Variants in YPEL1 observed in about 807,000 individuals in gnomAD.
YPEL1 encodes protein yippee-like 1.
In YPEL1, 7 loss-of-function variants were observed where a neutral mutation model predicts 17.3. The observed-to-expected ratio is 0.40, with a 90% CI of 0.23 to 0.76. YPEL1 has a LOEUF of 0.76. Ranked by LOEUF, YPEL1 falls within the 30% of genes least tolerant of loss-of-function variation. YPEL1 has a pLI of 0.35. For synonymous variants in YPEL1, 59 were observed against 59.6 expected, an observed-to-expected ratio of 0.99 and a Z score of 0.05; for missense variants, 91 against 155.5, an observed-to-expected ratio of 0.59 and a Z score of 2.21.
chr22:21,727,835 CT>C (rs1481616389), intron 1 of YPEL1, among the ~76,000 whole-genome samples: 2 of 152,204 alleles, frequency 1.3e-5, no homozygotes, highest in South Asian at 2.1e-4. Context: ...CACCTACCCC[CT>C]GGCACTGCCA....
At chr22:21,724,112 C>T (rs1187628753) in intron 1 of YPEL1, among the ~76,000 whole-genome samples, 5 of 152,242 alleles carry the variant, frequency 3.3e-5, no homozygotes, top group Non-Finnish European at 7.3e-5. Flanking sequence ...CCCAGAGCCC[C>T]AGTCCCACTC....
intron 1 of YPEL1, among the ~76,000 whole-genome samples, chr22:21,726,505 G>T (rs1298134407): frequency 6.6e-6 from 1 of 152,178 alleles, no homozygotes. Context: ...GGTCCCACCT[G>T]GCCTGAGAGG....
intron 2 of YPEL1, among the ~76,000 whole-genome samples, chr22:21,707,624 C>T (rs1260198591): frequency 6.6e-6 from 1 of 152,168 alleles, no homozygotes; most frequent in Non-Finnish European, 1.5e-5. Flanking sequence ...AACTAATAAT[C>T]ATCTTATAGA....
At chr22:21,729,096 T>C (rs186860495) in intron 1 of YPEL1, among the ~76,000 whole-genome samples, 33 of 149,814 alleles carry the variant, frequency 2.2e-4, no homozygotes, top group Non-Finnish European at 4.1e-4. Flanking sequence ...TTAGCTGAGA[T>C]TGCGCCATTG....
At chr22:21,704,721 C>T (rs971574220) in intron 2 of YPEL1, among the ~76,000 whole-genome samples, 1 of 150,862 alleles carries the variant, frequency 6.6e-6, no homozygotes, top group Non-Finnish European at 1.5e-5. Context: ...AAGGCCATTC[C>T]AGTGACATCT....
intron 2 of YPEL1, among the ~76,000 whole-genome samples, chr22:21,709,759 C>T: frequency 6.6e-6 from 1 of 151,594 alleles, no homozygotes; most frequent in African/African-American, 2.4e-5. Context: ...GGGGGGAGGT[C>T]ATGGCCTGTG....
At position 21,698,785 on chromosome 22, in the gene YPEL1, C is replaced by T. The variant is rs2068031737; in HGVS notation, c.*2344G>A. 1 of 152,420 alleles carries T rather than the reference C, an allele frequency of 6.6e-6. No individual in the cohort carries two copies. The highest frequency in any genetic ancestry group is 6.5e-5 in the Admixed American group (1 of 15,290). The allele number at this position is 152,420 out of a possible 1,614,324, so 9.4% of individuals were successfully genotyped here. A position where few individuals can be genotyped will look rare whatever the true frequency, so the allele number is the denominator to read the frequency against. On this transcript the variant is annotated 3_prime_UTR_variant, in exon 5 of 5. Coordinates refer to ENST00000339468, the MANE Select transcript of YPEL1 (RefSeq NM_013313.5). Reference sequence around the variant, plus strand: ...GACCATGGCAGCAAGAGCCCTGCAGCGTGCAGTGACCCCTGCGCTCTGGGT... The same window carrying T: ...GACCATGGCAGCAAGAGCCCTGCAGTGTGCAGTGACCCCTGCGCTCTGGGT...
At chr22:21,716,589 T>C (rs1255544182) in intron 1 of YPEL1, among the ~76,000 whole-genome samples, 7 of 152,260 alleles carry the variant, frequency 4.6e-5, no homozygotes, top group African/African-American at 1.7e-4. Flanking sequence ...TTCCAAAAGC[T>C]CACAGTTGAT....
intron 1 of YPEL1, among the ~76,000 whole-genome samples, chr22:21,715,756 CTTTTCTT>C (rs2068216491): frequency 1.8e-5 from 1 of 56,172 alleles, no homozygotes; most frequent in African/African-American, 8.3e-5. Flanking sequence ...TTTTCTTTTT[CTTTTCTT>C]TTTTTTTTTT....
chr22:21,702,319 G>T (rs2068074043), intron 4 of YPEL1, among the ~76,000 whole-genome samples: 1 of 152,238 alleles, frequency 6.6e-6, no homozygotes, highest in Admixed American at 6.5e-5. Flanking sequence ...GTATGGGGCT[G>T]ACTGACCAGG....
At chr22:21,712,725 C>CAAAAAAAA (rs33967845) in intron 1 of YPEL1, among the ~76,000 whole-genome samples, 1 of 89,636 alleles carries the variant, frequency 1.1e-5, no homozygotes. Context: ...GACTACATCT[C>CAAAAAAAA]AAAAAAAAAA....
rs1555903188 is a variant in YPEL1, at chr22:21,703,712, G to GGGA, written c.161+126_161+127insTCC. ...TTAGCGCGTTTCAGAAACTCCCGGCGGGGGGATGGTGGGTTCTTTCAGGAC... is the reference window on the plus strand; with the variant it reads ...TTAGCGCGTTTCAGAAACTCCCGGCGGGAGGGGGATGGTGGGTTCTTTCAGGAC... On this transcript the variant is annotated intron_variant, in intron 3 of 4. Transcript: ENST00000339468. The surrounding 1 kb of genome is among the most constrained non-coding windows in gnomAD (Gnocchi z 6.1). 2.7e-6 allele frequency: 3 copies of GGGA among 1,108,380 alleles called. No homozygotes were observed. The highest frequency in any genetic ancestry group is 2.6e-5 in the Admixed American group (1 of 38,656). 68.7% of individuals were successfully genotyped at this position (1,108,380 alleles called of 1,614,324 possible). A position where few individuals can be genotyped will look rare whatever the true frequency, so the allele number is the denominator to read the frequency against.
intron 1 of YPEL1, among the ~76,000 whole-genome samples, chr22:21,714,301 T>C (rs1371809040): frequency 1.3e-5 from 2 of 152,220 alleles, no homozygotes; most frequent in African/African-American, 2.4e-5. Context: ...TGCTGTGCCC[T>C]TCCTTGGTGC....
At chr22:21,705,247 G>A (rs776373190) in intron 2 of YPEL1, among the ~76,000 whole-genome samples, 48 of 152,186 alleles carry the variant, frequency 3.2e-4, no homozygotes, top group Non-Finnish European at 4.1e-4. Context: ...CCCAAGTGAC[G>A]GGATTGCAGG....
intron 2 of YPEL1, 40 bp downstream of exon 2, chr22:21,710,584 CAGAT>C (rs1428446687): frequency 6.9e-7 from 1 of 1,448,352 alleles, no homozygotes; most frequent in Non-Finnish European, 9.7e-7. Context: ...ACCACAATGA[CAGAT>C]AATCATTGTG....
chr22:21,719,811 A>G (rs2068262335), intron 1 of YPEL1, among the ~76,000 whole-genome samples: 1 of 152,028 alleles, frequency 6.6e-6, no homozygotes, highest in African/African-American at 2.4e-5. Flanking sequence ...GTGGATCATG[A>G]GGTCAGGAGT....
chr22:21,718,643 C>G (rs1455248610), intron 1 of YPEL1, among the ~76,000 whole-genome samples: 1 of 152,104 alleles, frequency 6.6e-6, no homozygotes, highest in Non-Finnish European at 1.5e-5. Context: ...GGACCAAGCA[C>G]ATCTGCAGGA....
At chr22:21,730,531 C>T (rs1362667669) in intron 1 of YPEL1, among the ~76,000 whole-genome samples, 1 of 152,194 alleles carries the variant, frequency 6.6e-6, no homozygotes, top group African/African-American at 2.4e-5. Flanking sequence ...CCCACACTGA[C>T]TATTCAAACT....
intron 1 of YPEL1, among the ~76,000 whole-genome samples, chr22:21,725,517 C>A (rs1369138884): frequency 6.6e-6 from 1 of 152,112 alleles, no homozygotes; most frequent in Non-Finnish European, 1.5e-5. Flanking sequence ...GTGTGAGCCA[C>A]TGTGCCCAGC....
Sources: gnomAD v4.1 joint callset for allele counts (sites outside exome capture counted in the v4.1 genomes callset) on GRCh38, gnomAD v4.1.1 for gene constraint, Gnocchi (gnomAD v3.1) non-coding constraint, MANE v1.5 for transcripts, NCBI Gene and HGNC (gene_info 2026-07-23, HGNC 2026-07-21) for gene names.